The following PPP1R7 variants were observed in gnomAD, a reference collection of about 807,000 sequenced individuals.
PPP1R7 encodes the protein protein phosphatase 1 regulatory subunit 22.
PPP1R7 carries 18 observed loss-of-function variants against 45.2 expected under a neutral mutation model. The ratio of observed to expected loss-of-function variants is 0.40; its 90% CI spans 0.28 to 0.59. The LOEUF (loss-of-function observed/expected upper bound fraction) is 0.59. PPP1R7 is among the 20% of genes least tolerant of loss of function. The pLI, the probability that PPP1R7 is intolerant of heterozygous loss-of-function variation, is 0.46. For missense variants in PPP1R7, 314 were observed against 455.8 expected (o/e 0.69, Z 2.83); for synonymous variants, 181 against 183.4 (o/e 0.99, Z 0.11).
intron 8 of PPP1R7, chr2:241,167,266 T>G: frequency 2.3e-6 from 1 of 436,472 alleles, no homozygotes; most frequent in Non-Finnish European, 4.0e-6. Flanking sequence ...TAAAGGCCTT[T>G]GTGCCTCAAC....
At position 241,169,890 on chromosome 2, in the gene PPP1R7, TTGA is replaced by T. The variant is rs753378581; in HGVS notation, c.906+27_906+29del. The T allele has an allele frequency of 3.9e-6, 6 of 1,548,606 alleles. No individual in the cohort carries two copies. In the East Asian group the frequency reaches 1.3e-4, roughly 35 times the overall value. On this transcript the variant is annotated intron_variant, in intron 9 of 9. Transcript: ENST00000234038. ...TGGGTAAGTTTAATACACGCTGGGGTTGATGACACTTTGACTAAACTGGTCTCA... is the reference window on the plus strand; with the variant it reads ...TGGGTAAGTTTAATACACGCTGGGGTTGACACTTTGACTAAACTGGTCTCA...
At chr2:241,152,911 C>G (rs960968303) in intron 1 of PPP1R7, among the ~76,000 whole-genome samples, 3 of 152,202 alleles carry the variant, frequency 2.0e-5, no homozygotes, top group Admixed American at 6.5e-5. Context: ...AAGCTCATTT[C>G]ACACCAATGA....
In PPP1R7 at chr2:241,182,032, C is replaced by T. The variant is rs559546571; in HGVS notation, c.907-615C>T. 7.9e-5 allele frequency among the ~76,000 whole-genome samples: 12 copies of T among 152,024 alleles called. No homozygotes were observed. The South Asian group carries it at 8.3e-4, about 11-fold the overall frequency. On this transcript the variant is annotated intron_variant, in intron 9 of 9. Coordinates refer to ENST00000234038, the MANE Select transcript of PPP1R7 (RefSeq NM_002712.3). Reference sequence around the variant, plus strand: ...AAAAAAAAAATGCAAGAGAACTCTTCCTGCCAAAGGCAGGTCCCTCCAACT... The same window carrying T: ...AAAAAAAAAATGCAAGAGAACTCTTTCTGCCAAAGGCAGGTCCCTCCAACT...
rs2067613854 is a variant in PPP1R7, at chr2:241,162,394, C to CTGAAGTCAAATCAATAAACAGTCAT, written c.598-889_598-865dup. ...AGAGTGAACTGACAGAGGAGGGAAACTGAAGTCAAATCAATAAACAGTCAT... is the reference window on the plus strand; with the variant it reads ...AGAGTGAACTGACAGAGGAGGGAAACTGAAGTCAAATCAATAAACAGTCATTGAAGTCAAATCAATAAACAGTCAT... On this transcript the variant is annotated intron_variant, in intron 6 of 9. Transcript: ENST00000234038. Among the ~76,000 whole-genome samples, 5 of 152,130 alleles carry CTGAAGTCAAATCAATAAACAGTCAT rather than the reference C, an allele frequency of 3.3e-5. No individual in the cohort carries two copies. The South Asian group carries it at 1.0e-3, about 32-fold the overall frequency.
intron 9 of PPP1R7, among the ~76,000 whole-genome samples, chr2:241,181,831 C>T (rs535284713): frequency 7.9e-5 from 12 of 152,276 alleles, no homozygotes; most frequent in African/African-American, 2.4e-4. Context: ...CTTGCCACCG[C>T]GGTTTGCCTG....
chr2:241,179,682 T>G (rs1316416552), intron 9 of PPP1R7, among the ~76,000 whole-genome samples: 2 of 152,218 alleles, frequency 1.3e-5, no homozygotes, highest in Non-Finnish European at 2.9e-5. Context: ...CAGAACTTGA[T>G]AAGAGAAACA....
At chr2:241,150,163 C>T, upstream of PPP1R7, 1 of 1,268,650 alleles carries the variant, frequency 7.9e-7, no homozygotes, top group South Asian at 2.3e-5. Flanking sequence ...CTCTCAAGCC[C>T]AGGGCGTCTC....
intron 1 of PPP1R7, among the ~76,000 whole-genome samples, chr2:241,151,100 A>G (rs1472665848): frequency 6.6e-6 from 1 of 152,122 alleles, no homozygotes; most frequent in African/African-American, 2.4e-5. Context: ...CTTCCTCCTC[A>G]TTCACTTTGT....
At chr2:241,172,620 G>T (rs1229211428) in intron 9 of PPP1R7, among the ~76,000 whole-genome samples, 1 of 150,908 alleles carries the variant, frequency 6.6e-6, no homozygotes, top group Non-Finnish European at 1.5e-5. Flanking sequence ...CTCCAGCCTG[G>T]GCAAAAAAGT....
intron 7 of PPP1R7, 94 bp downstream of exon 7, chr2:241,163,495 A>G: frequency 1.2e-6 from 1 of 850,436 alleles, no homozygotes; most frequent in East Asian, 2.4e-5. Flanking sequence ...CTGCCTTCAC[A>G]ATTGGCACTT....
intron 5 of PPP1R7, 141 bp from the exon 6 acceptor site, chr2:241,160,191 C>T (rs2067552539): frequency 1.5e-6 from 1 of 652,568 alleles, no homozygotes; most frequent in Non-Finnish European, 2.5e-6. Flanking sequence ...AGCAGGGGCA[C>T]AGTCAGAACC....
At chr2:241,156,517 T>C (rs1046283985) in intron 2 of PPP1R7, among the ~76,000 whole-genome samples, 6 of 151,890 alleles carry the variant, frequency 4.0e-5, no homozygotes, top group African/African-American at 1.5e-4. Flanking sequence ...CAAAACATGG[T>C]TTTAAAAAAT....
chr2:241,160,373 G>A lies in PPP1R7; in HGVS notation c.476G>A (p.Gly159Glu). The change falls in exon 6 of 10, where the codon GGG (glycine) becomes GAG (glutamate). Residue 159 changes from glycine to glutamate, a missense_variant. Coordinates refer to ENST00000234038, the MANE Select transcript of PPP1R7 (RefSeq NM_002712.3). Reference protein sequence around the residue: ...ISFNLLRNIEGVDKLTRLKKL... With the variant: ...ISFNLLRNIEEVDKLTRLKKL... ...TTTAATCTGCTGAGAAACATCGAAG[G>A]GGTTGACAAGTTGACACGACTGAAA... 6.2e-7 allele frequency: 1 copy of A among 1,611,532 alleles called. No homozygotes were observed. Among genetic ancestry groups the A allele is most frequent in the Non-Finnish European group, 8.5e-7 (1 of 1,179,360 alleles).
chr2:241,164,115 C>G (rs1473528899), intron 7 of PPP1R7, among the ~76,000 whole-genome samples: 1 of 151,976 alleles, frequency 6.6e-6, no homozygotes, highest in South Asian at 2.1e-4. Flanking sequence ...AGGGGTTTCC[C>G]TATGTTGCCC....
intron 9 of PPP1R7, among the ~76,000 whole-genome samples, chr2:241,174,579 C>G (rs1380511068): frequency 6.6e-6 from 1 of 152,070 alleles, no homozygotes; most frequent in African/African-American, 2.4e-5. Context: ...CCGGGATGAT[C>G]ACACCACCCA....
In PPP1R7 at chr2:241,182,917, A is replaced by T; in HGVS notation, c.*94A>T. 1 of 1,402,490 alleles carries T rather than the reference A, an allele frequency of 7.1e-7. No homozygotes were observed. 86.9% of individuals were successfully genotyped at this position (1,402,490 alleles called of 1,614,324 possible). ...CTGTTGCTCCTGAGGTCGTCACTAT[A>T]TCAACAGTCACAAACCCAATGGCAA... On this transcript the variant is annotated 3_prime_UTR_variant, in exon 10 of 10. Coordinates refer to ENST00000234038, the MANE Select transcript of PPP1R7 (RefSeq NM_002712.3).
At chr2:241,162,297 C>T (rs1173547951) in intron 6 of PPP1R7, among the ~76,000 whole-genome samples, 1 of 152,192 alleles carries the variant, frequency 6.6e-6, no homozygotes, top group Admixed American at 6.5e-5. Flanking sequence ...AGAGTCCCCA[C>T]CTGGTTAGCA....
Position 241,153,588 on chromosome 2 carries a change from G to T in PPP1R7, c.165G>T (p.Gly55=), listed in dbSNP as rs772733002. The part of the protein sequence containing the change: ...EQSLKDGEER[G]EEDPEEEHEL... The stretch of plus-strand genomic sequence containing the variant: ...GCCTGAAGGATGGGGAGGAGCGGGG[G>T]GAGGAGGACCCAGAAGGTACCAGGC... Residue 55 remains glycine (G), a synonymous_variant, in exon 2 of 10, where the codon GGG becomes GGT. Coordinates refer to ENST00000234038, the MANE Select transcript of PPP1R7 (RefSeq NM_002712.3). 2.5e-6 allele frequency: 4 copies of T among 1,613,946 alleles called. No individual in the cohort carries two copies. The highest frequency in any genetic ancestry group is 3.4e-6 in the Non-Finnish European group (4 of 1,180,040).
chr2:241,150,324 C>T (rs1356710039), upstream of PPP1R7: 70 of 1,327,588 alleles, frequency 5.3e-5, no homozygotes, highest in Non-Finnish European at 6.4e-5. Flanking sequence ...AGGCGCGGCG[C>T]GCGGCCTCAT....
Sources: allele counts gnomAD v4.1 joint callset (sites outside exome capture counted in the v4.1 genomes callset), GRCh38; gene constraint gnomAD v4.1.1; transcripts MANE v1.5; gene names NCBI Gene and HGNC (gene_info 2026-07-23, HGNC 2026-07-21).